The following NUDT21 variants were observed in gnomAD, a reference collection of about 807,000 sequenced individuals.
NUDT21 encodes cleavage and polyadenylation specificity factor subunit 5.
NUDT21 carries 5 observed loss-of-function variants against 29.8 expected under a neutral mutation model. That is an observed-to-expected ratio of 0.17 (90% CI 0.09 to 0.35). The LOEUF (loss-of-function observed/expected upper bound fraction) is 0.35, where lower values mean the gene tolerates loss of function less well. Among genes scored for constraint, NUDT21 ranks in the 10% least tolerant of loss-of-function variants. The pLI is 1.00. For synonymous variants in NUDT21, 113 were observed against 98.5 expected (o/e 1.15, Z -0.87); for missense variants, 76 against 276.0 (o/e 0.28, Z 5.13).
At chr16:56,435,570 C>A (rs1474002743) in intron 4 of NUDT21, among the ~76,000 whole-genome samples, 17 of 147,392 alleles carry the variant, frequency 1.2e-4, no homozygotes, top group Non-Finnish European at 2.6e-4. Context: ...ACTAAAAATA[C>A]AAAAAATTAG....
chr16:56,434,969 C>T (rs1032633282), intron 4 of NUDT21, 140 bp from the exon 5 acceptor site: 1 of 556,160 alleles, frequency 1.8e-6, no homozygotes. Context: ...CTAACAGATA[C>T]ACTAGTAAAT....
chr16:56,445,145 T>C (rs1421622605), intron 3 of NUDT21, among the ~76,000 whole-genome samples: 3 of 151,480 alleles, frequency 2.0e-5, no homozygotes, highest in African/African-American at 4.9e-5. Context: ...GATTGCACCA[T>C]TGCACTCCAG....
At chr16:56,434,475 G>A (rs781183078) in intron 5 of NUDT21, 30 bp from the exon 6 acceptor site, 3 of 1,242,330 alleles carry the variant, frequency 2.4e-6, no homozygotes, top group Admixed American at 1.8e-5. Flanking sequence ...ATTATTATAA[G>A]TTATTATATA....
intron 5 of NUDT21, 53 bp downstream of exon 5, chr16:56,434,681 CACAAATAGAGGTATCCTTGA>C: frequency 9.8e-7 from 1 of 1,017,068 alleles, no homozygotes; most frequent in Non-Finnish European, 1.5e-6. Context: ...TTTGAGAAAA[CACAAATAGAGGTATCCTTGA>C]AATTATTCTA....
Position 56,451,315 on chromosome 16 carries a change from A to T in NUDT21, c.-113T>A. ...TCAGCGGCTACTGCCCGCCATTAAC[A>T]GGACAGCGCAAGAGGAGGCGTAGGC... On this transcript the variant is annotated 5_prime_UTR_variant, in exon 1 of 7. Coordinates refer to ENST00000300291, the MANE Select transcript of NUDT21 (RefSeq NM_007006.3). 3.5e-6 allele frequency: 3 copies of T among 867,392 alleles called. No individual in the cohort carries two copies. Among genetic ancestry groups the T allele is most frequent in the Non-Finnish European group, 5.3e-6 (3 of 560,894 alleles). 53.7% of individuals were successfully genotyped at this position (867,392 alleles called of 1,614,324 possible). A position where few individuals can be genotyped will look rare whatever the true frequency, so the allele number is the denominator to read the frequency against.
In NUDT21 at chr16:56,434,795, T is replaced by C; in HGVS notation, c.506A>G (p.Lys169Arg). ...PYIPAHITKP[K>R]EHKKLFLVQL... ...AACCAGAAACAACTTCTTATGTTCCTTAGGCTTTGTAATATGTGCAGGAAT... is the reference window on the plus strand; with the variant it reads ...AACCAGAAACAACTTCTTATGTTCCCTAGGCTTTGTAATATGTGCAGGAAT... Residue 169 changes from lysine to arginine, a missense_variant, in exon 5 of 7, where the codon AAG (lysine) becomes AGG (arginine). Transcript: ENST00000300291. The C allele has an allele frequency of 1.3e-5, 21 of 1,602,252 alleles. No individual in the cohort carries two copies. The highest frequency in any genetic ancestry group is 1.8e-5 in the Non-Finnish European group (21 of 1,170,376).
At chr16:56,435,500 G>A (rs2143933723) in intron 4 of NUDT21, among the ~76,000 whole-genome samples, 1 of 151,208 alleles carries the variant, frequency 6.6e-6, no homozygotes, top group African/African-American at 2.4e-5. Context: ...GCCAAGGCAG[G>A]CGGATCATGA....
intron 6 of NUDT21, among the ~76,000 whole-genome samples, 156 bp downstream of exon 6, chr16:56,434,175 A>G (rs1233589363): frequency 1.3e-5 from 2 of 152,230 alleles, no homozygotes; most frequent in Admixed American, 6.5e-5. Flanking sequence ...TATTAGTCAC[A>G]ATTAATCTAT....
At position 56,429,486 on chromosome 16, in the gene NUDT21, G is replaced by T. The variant is rs1472597888; in HGVS notation, c.*3226C>A. On this transcript the variant is annotated 3_prime_UTR_variant, in exon 7 of 7. Coordinates refer to ENST00000300291, the MANE Select transcript of NUDT21 (RefSeq NM_007006.3). ...CTAATCTAGAGTTACCTAGGTTTTA[G>T]TAAGTTTTTTTCCACAAAAACAAGC... is the stretch of plus-strand genomic sequence containing the variant. 1.3e-5 allele frequency: 2 copies of T among 152,132 alleles called. No individual in the cohort carries two copies. The highest frequency in any genetic ancestry group is 4.8e-5 in the African/African-American group (2 of 41,428). The allele number at this position is 152,132 out of a possible 1,614,324, so 9.4% of individuals were successfully genotyped here. A position where few individuals can be genotyped will look rare whatever the true frequency, so the allele number is the denominator to read the frequency against.
At chr16:56,435,740 AAATTATATATATATATATATATAT>A (rs1416756711) in intron 4 of NUDT21, among the ~76,000 whole-genome samples, 3 of 33,372 alleles carry the variant, frequency 9.0e-5, no homozygotes, top group Non-Finnish European at 1.1e-4. Context: ...AAAAAAAAAA[AAATTATATATATATATATATATAT>A]ATATATATAT....
rs771737950 is a variant in NUDT21 at position 56,432,682 on chromosome 16, G to A, written c.*30C>T. 1.4e-5 allele frequency: 23 copies of A among 1,605,186 alleles called. No homozygotes were observed. The highest frequency in any genetic ancestry group is 2.0e-5 in the Non-Finnish European group (23 of 1,175,020). On this transcript the variant is annotated 3_prime_UTR_variant, in exon 7 of 7. Transcript: ENST00000300291. ...ATAGCTGTGCTCACAGAGACAAGCG[G>A]CTTCTTTTACTTCTCCACTGCGCAG...
intron 6 of NUDT21, among the ~76,000 whole-genome samples, chr16:56,433,583 C>T (rs936756633): frequency 1.3e-5 from 2 of 152,192 alleles, no homozygotes; most frequent in Non-Finnish European, 2.9e-5. Flanking sequence ...TCAAACCCCA[C>T]GTAAAAGTTC....
intron 1 of NUDT21, among the ~76,000 whole-genome samples, chr16:56,448,625 T>C (rs979776134): frequency 1.3e-5 from 2 of 152,226 alleles, no homozygotes; most frequent in Admixed American, 1.3e-4. Flanking sequence ...CTGAATCTTC[T>C]ACCCACCATA....
intron 1 of NUDT21, among the ~76,000 whole-genome samples, chr16:56,450,092 G>A (rs532064144): frequency 6.6e-6 from 1 of 152,292 alleles, no homozygotes; most frequent in East Asian, 1.9e-4. Context: ...ATATGAAACA[G>A]AGAAACACCT....
chr16:56,444,756 C>T (rs2143942694), intron 3 of NUDT21, among the ~76,000 whole-genome samples: 2 of 152,204 alleles, frequency 1.3e-5, no homozygotes, highest in Middle Eastern at 6.8e-3. Context: ...TTCTCTGATT[C>T]AATTACTACA....
At chr16:56,447,718 T>C (rs1173592794) in intron 2 of NUDT21, 71 bp downstream of exon 2, 4 of 1,369,552 alleles carry the variant, frequency 2.9e-6, no homozygotes, top group African/African-American at 2.9e-5. Context: ...GGGCTAAAAT[T>C]GTATTCCAGA....
rs1451557598 is a variant in NUDT21 at position 56,448,677 on chromosome 16, T to C, written c.117-688A>G. Among the ~76,000 whole-genome samples the C allele has an allele frequency of 2.6e-5, 4 of 152,212 alleles. No homozygotes were observed. The East Asian group carries it at 5.8e-4, about 22-fold the overall frequency. ...CTTCCTTTACCAATAATTTAAAATA[T>C]GGCTCAAACTGTTAAAGACAGTTTT... On this transcript the variant is annotated intron_variant, in intron 1 of 6. Coordinates refer to ENST00000300291, the MANE Select transcript of NUDT21 (RefSeq NM_007006.3).
At chr16:56,444,816 T>G (rs1009280140) in intron 3 of NUDT21, among the ~76,000 whole-genome samples, 1 of 152,130 alleles carries the variant, frequency 6.6e-6, no homozygotes, top group Non-Finnish European at 1.5e-5. Context: ...GAAGACAATC[T>G]AGATACACAG....
At chr16:56,436,521 G>A (rs1343973730) in intron 4 of NUDT21, among the ~76,000 whole-genome samples, 1 of 152,208 alleles carries the variant, frequency 6.6e-6, no homozygotes, top group Non-Finnish European at 1.5e-5. Context: ...AATTGTCCCA[G>A]GCTTTGGAGG....
Sources: gnomAD v4.1 joint callset for allele counts (sites outside exome capture counted in the v4.1 genomes callset) on GRCh38, gnomAD v4.1.1 for gene constraint, MANE v1.5 for transcripts, NCBI Gene and HGNC (gene_info 2026-07-23, HGNC 2026-07-21) for gene names.